The following ZFX variants were observed in gnomAD, a reference collection of about 807,000 sequenced individuals.
ZFX encodes zinc finger protein X-linked.
For missense variants in ZFX, 362 were observed against 628.3 expected (o/e 0.58, Z 4.53); for synonymous variants, 196 against 226.8 (o/e 0.86, Z 1.22).
chrX:24,187,311 TTC>T (rs751326242), intron 5 of ZFX, among the ~76,000 whole-genome samples: 3 of 111,647 alleles, frequency 2.7e-5, no homozygotes, highest in Non-Finnish European at 5.6e-5. Flanking sequence ...GGCCCCCCCT[TTC>T]TCTCTCTGTG....
chrX:24,187,901 C>T (rs915329539), intron 5 of ZFX, among the ~76,000 whole-genome samples: 3 of 111,435 alleles, frequency 2.7e-5, no homozygotes, highest in Non-Finnish European at 5.6e-5. Flanking sequence ...GGGCTGGGCA[C>T]GGTGACTCAC....
rs1569136458 is a variant in ZFX at position 24,172,726 on chromosome X, G to C, written c.-17G>C. The C allele has an allele frequency of 1.7e-6, 2 of 1,175,412 alleles. No homozygotes were observed. Among genetic ancestry groups the C allele is most frequent in the Non-Finnish European group, 2.3e-6 (2 of 880,921 alleles). On this transcript the variant is annotated 5_prime_UTR_variant, in exon 4 of 10. Coordinates refer to ENST00000304543, the MANE Select transcript of ZFX (RefSeq NM_003410.4). ...TTTCCCTGATTTAGGAGCTGTGACT[G>C]ATGAGAATTAAAGGCCATGGATGAA...
intron 5 of ZFX, among the ~76,000 whole-genome samples, chrX:24,197,039 G>A (rs947766631): frequency 1.8e-5 from 2 of 112,650 alleles, no homozygotes; most frequent in African/African-American, 3.2e-5. Flanking sequence ...CAGTTCCTGC[G>A]TTGCACCAGT....
Position 24,210,207 on chromosome X carries a change from C to T in ZFX, c.1249C>T (p.Pro417Ser). 1.7e-6 allele frequency: 2 copies of T among 1,211,423 alleles called. No homozygotes were observed. Among genetic ancestry groups the T allele is most frequent in the Non-Finnish European group, 2.2e-6 (2 of 895,511 alleles). ...RQYQTAIIIG[P>S]DGHPLTVYPC... ...TCCTTTTTTAGCAATAATTATTGGC[C>T]CTGATGGACATCCTTTGACTGTCTA... Residue 417 changes from proline to serine, a missense_variant, in exon 10 of 10, where the codon CCT becomes TCT. Coordinates refer to ENST00000304543, the MANE Select transcript of ZFX (RefSeq NM_003410.4).
At chrX:24,196,629 C>T (rs187762005) in intron 5 of ZFX, among the ~76,000 whole-genome samples, 15 of 110,301 alleles carry the variant, frequency 1.4e-4, no homozygotes, top group Admixed American at 6.7e-4. Flanking sequence ...GGATCTTGCT[C>T]TGTTGCCCAG....
chrX:24,174,195 A>G (rs1934915606), intron 4 of ZFX, among the ~76,000 whole-genome samples: 1 of 110,104 alleles, frequency 9.1e-6, no homozygotes, highest in Admixed American at 9.7e-5. Flanking sequence ...TCTGGGTGAT[A>G]GCACGAGACG....
intron 3 of ZFX, among the ~76,000 whole-genome samples, chrX:24,171,904 A>AAG (rs780804262): frequency 1.0e-5 from 1 of 97,290 alleles, no homozygotes; most frequent in African/African-American, 4.0e-5. Context: ...CAGAGAGAGA[A>AAG]GGAGAGAGAG....
At chrX:24,163,763 TCTC>T (rs1933686408) in intron 3 of ZFX, among the ~76,000 whole-genome samples, 1 of 102,625 alleles carries the variant, frequency 9.7e-6, no homozygotes, top group Middle Eastern at 5.0e-3. Flanking sequence ...CTGCAAGTGA[TCTC>T]CTGCCTTGGC....
At chrX:24,202,179 G>C (rs982952805) in intron 5 of ZFX, among the ~76,000 whole-genome samples, 1 of 111,719 alleles carries the variant, frequency 9.0e-6, no homozygotes. Flanking sequence ...TTTGCTCCTA[G>C]TTTCATTTAT....
intron 5 of ZFX, among the ~76,000 whole-genome samples, chrX:24,181,514 T>C (rs1246822349): frequency 8.9e-6 from 1 of 111,849 alleles, no homozygotes; most frequent in African/African-American, 3.2e-5. Flanking sequence ...TATAGTATAG[T>C]GTATTAAAAA....
At position 24,179,754 on chromosome X, in the gene ZFX, CT is replaced by C. The variant is rs1569144630; in HGVS notation, c.631del (p.Tyr211ThrfsTer3). 1 of 1,204,712 alleles carries C rather than the reference CT, an allele frequency of 8.3e-7. No individual in the cohort carries two copies. The highest frequency in any genetic ancestry group is 1.1e-6 in the Non-Finnish European group (1 of 893,603). On this transcript the variant is annotated frameshift_variant, in exon 5 of 10. Transcript: ENST00000304543. LOFTEE classifies it high-confidence loss of function. ...QDDDKGNCEDYLMISLDDAGK... is the reference protein window; with the variant it reads ...QDDDKGNCEDXLMISLDDAGK... ...ATGATGACAAAGGCAACTGTGAGGA[CT>C]ACCTTATGATTTCCTGTAAGTCTTG...
In ZFX at chrX:24,211,440, A is replaced by AATC; in HGVS notation, c.*66_*68dup. The AATC allele has an allele frequency of 1.8e-6, 2 of 1,104,688 alleles. No individual in the cohort carries two copies. Among genetic ancestry groups the AATC allele is most frequent in the African/African-American group, 1.8e-5 (1 of 55,189 alleles). The allele number at this position is 1,104,688 out of a possible 1,213,427, so 91.0% of individuals were successfully genotyped here. On this transcript the variant is annotated 3_prime_UTR_variant, in exon 10 of 10. Transcript: ENST00000304543. ...GAAGCAGAAAATTCATTTTAAAGCC[A>AATC]ATCAGTCTCATTCACATACAATACT... is the stretch of plus-strand genomic sequence containing the variant.
intron 3 of ZFX, among the ~76,000 whole-genome samples, chrX:24,163,831 TAAAAAAAAGAAAAAA>T (rs1393742328): frequency 3.4e-4 from 22 of 65,307 alleles, no homozygotes; most frequent in African/African-American, 1.4e-3. Context: ...CCCCCTCTTT[TAAAAAAAAGAAAAAA>T]AAAAAAAAAA....
Position 24,210,440 on chromosome X carries a change from G to A in ZFX, c.1482G>A (p.Gly494=). ...AEKAIECDEC[G]KHFSHAGALF... ...AGGCCATTGAATGCGATGAGTGTGGGAAGCATTTCTCTCATGCAGGGGCTT... is the reference window on the plus strand; with the variant it reads ...AGGCCATTGAATGCGATGAGTGTGGAAAGCATTTCTCTCATGCAGGGGCTT... The change falls in exon 10 of 10, where the codon GGG becomes GGA. Residue 494 remains glycine (G), a synonymous_variant. Coordinates refer to ENST00000304543, the MANE Select transcript of ZFX (RefSeq NM_003410.4). 8.3e-7 allele frequency: 1 copy of A among 1,212,077 alleles called. No individual in the cohort carries two copies. The highest frequency in any genetic ancestry group is 1.7e-5 in the African/African-American group (1 of 57,875).
At chrX:24,200,597 A>G (rs1601950904) in intron 5 of ZFX, among the ~76,000 whole-genome samples, 1 of 111,027 alleles carries the variant, frequency 9.0e-6, no homozygotes, top group Admixed American at 9.4e-5. Context: ...TTTCACAAAA[A>G]AATCTCTGTT....
intron 3 of ZFX, among the ~76,000 whole-genome samples, chrX:24,165,876 C>G (rs1601827791): frequency 8.9e-6 from 1 of 112,426 alleles, no homozygotes; most frequent in African/African-American, 3.2e-5. Flanking sequence ...AAGTTTTTCA[C>G]TATGAAATAA....
chrX:24,190,522 C>T (rs1270512258), intron 5 of ZFX, among the ~76,000 whole-genome samples: 4 of 111,944 alleles, frequency 3.6e-5, no homozygotes, highest in Non-Finnish European at 7.5e-5. Flanking sequence ...CTGCCAAAAA[C>T]AAGGTTGGGA....
intron 3 of ZFX, among the ~76,000 whole-genome samples, chrX:24,158,616 A>G (rs1932936438): frequency 9.1e-6 from 1 of 110,428 alleles, no homozygotes; most frequent in Non-Finnish European, 1.9e-5. Context: ...CTTTTTTGAG[A>G]GGGGGTGCTG....
At chrX:24,195,599 C>T (rs1355624025) in intron 5 of ZFX, among the ~76,000 whole-genome samples, 1 of 111,503 alleles carries the variant, frequency 9.0e-6, no homozygotes, top group Admixed American at 9.5e-5. Context: ...TCATGATCCG[C>T]CCGCCTCGGC....
Sources: gnomAD v4.1 joint callset for allele counts (sites outside exome capture counted in the v4.1 genomes callset) on GRCh38, gnomAD v4.1.1 for gene constraint, MANE v1.5 for transcripts, NCBI Gene and HGNC (gene_info 2026-07-23, HGNC 2026-07-21) for gene names.